ULK4: variants seen among roughly 807,000 people sequenced by gnomAD.
The protein encoded by ULK4 is unc-51 like kinase 4.
Under a neutral mutation model 160.6 loss-of-function variants are expected in ULK4, and 133 were observed. The observed-to-expected ratio is 0.83, with a 90% confidence interval of 0.72 to 0.96. ULK4 has a LOEUF of 0.96. Among genes scored for constraint, ULK4 ranks in the 40% least tolerant of loss-of-function variants. The pLI, the probability that ULK4 is intolerant of heterozygous loss-of-function variation, is 0.00. For missense variants in ULK4, 1,580 were observed against 1,499.5 expected, an observed-to-expected ratio of 1.05 and a Z score of -0.89; for synonymous variants, 534 against 539.8, an observed-to-expected ratio of 0.99 and a Z score of 0.15.
intron 34 of ULK4, among the ~76,000 whole-genome samples, chr3:41,431,808 G>C (rs201977334): frequency 1.8e-5 from 1 of 55,786 alleles, no homozygotes; most frequent in Admixed American, 1.8e-4. Flanking sequence ...TTTTTTTTTT[G>C]AGACAGAGTC....
intron 35 of ULK4, among the ~76,000 whole-genome samples, chr3:41,268,053 G>A (rs2079074211): frequency 6.6e-6 from 1 of 152,200 alleles, no homozygotes; most frequent in African/African-American, 2.4e-5. Flanking sequence ...GCAATGTCTG[G>A]AAACACTTTT....
intron 35 of ULK4, among the ~76,000 whole-genome samples, chr3:41,328,166 C>G (rs2080372347): frequency 6.6e-6 from 1 of 152,158 alleles, no homozygotes; most frequent in Non-Finnish European, 1.5e-5. Context: ...GACAAAAAAC[C>G]TACTCCTGTC....
At chr3:41,923,600 T>C (rs1189870291) in intron 5 of ULK4, among the ~76,000 whole-genome samples, 1 of 152,194 alleles carries the variant, frequency 6.6e-6, no homozygotes, top group Non-Finnish European at 1.5e-5. Flanking sequence ...ATTAGCTGGG[T>C]GCAGTCATGA....
chr3:41,741,604 T>C (rs1178408182), intron 22 of ULK4, among the ~76,000 whole-genome samples: 4 of 151,968 alleles, frequency 2.6e-5, no homozygotes, highest in Non-Finnish European at 5.9e-5. Flanking sequence ...TGCATGCCTG[T>C]TAAAATCAAA....
At chr3:41,706,065 A>G (rs1429578579) in intron 25 of ULK4, among the ~76,000 whole-genome samples, 1 of 151,744 alleles carries the variant, frequency 6.6e-6, no homozygotes, top group Non-Finnish European at 1.5e-5. Context: ...CCTCCTAGAT[A>G]CCTCTTATTC....
chr3:41,564,469 T>C (rs1209742892), intron 32 of ULK4, among the ~76,000 whole-genome samples: 3 of 140,210 alleles, frequency 2.1e-5, no homozygotes, highest in Non-Finnish European at 4.6e-5. Context: ...TTTTTTTTTT[T>C]TTTTTTGAGA....
chr3:41,541,716 T>TAC (rs2086702771), intron 32 of ULK4, among the ~76,000 whole-genome samples: 1 of 152,162 alleles, frequency 6.6e-6, no homozygotes, highest in Non-Finnish European at 1.5e-5. Context: ...AGCAGTGGTT[T>TAC]GTAGTTCTCC....
chr3:41,822,722 A>ATTTTTTTTTT (rs1199516780), intron 18 of ULK4, among the ~76,000 whole-genome samples: 4 of 109,464 alleles, frequency 3.7e-5, no homozygotes, highest in South Asian at 2.8e-4. Flanking sequence ...CCGGGCTGAG[A>ATTTTTTTTTT]TTTTTTTTTT....
intron 19 of ULK4, among the ~76,000 whole-genome samples, chr3:41,808,810 A>C (rs2040730878): frequency 6.6e-6 from 1 of 152,186 alleles, no homozygotes; most frequent in East Asian, 1.9e-4. Context: ...CGTCAGGGCA[A>C]ACACCAGTTT....
chr3:41,678,575 A>C (rs1362805555), intron 29 of ULK4, among the ~76,000 whole-genome samples: 1 of 152,200 alleles, frequency 6.6e-6, no homozygotes, highest in Non-Finnish European at 1.5e-5. Flanking sequence ...CAAGCCCCTA[A>C]ATCCAGCTGT....
chr3:41,951,148 A>AAG, intron 2 of ULK4, among the ~76,000 whole-genome samples: 1 of 147,802 alleles, frequency 6.8e-6, no homozygotes, highest in African/African-American at 2.5e-5. Flanking sequence ...TCGTCTCAAA[A>AAG]AAAAAAAAAA....
At chr3:41,462,807 AG>A (rs1243793854) in intron 33 of ULK4, among the ~76,000 whole-genome samples, 1 of 152,164 alleles carries the variant, frequency 6.6e-6, no homozygotes, top group African/African-American at 2.4e-5. Flanking sequence ...GATGTGCCTA[AG>A]GCAAATGCTC....
chr3:41,660,470 C>T (rs578135806), intron 30 of ULK4, among the ~76,000 whole-genome samples: 1 of 152,152 alleles, frequency 6.6e-6, no homozygotes, highest in East Asian at 1.9e-4. Flanking sequence ...TCTTTTTTCT[C>T]CCACTAAAAA....
chr3:41,451,130 C>T (rs372997918), intron 34 of ULK4, among the ~76,000 whole-genome samples: 1 of 151,964 alleles, frequency 6.6e-6, no homozygotes, highest in Admixed American at 6.6e-5. Flanking sequence ...AGGAGAAAGG[C>T]GGGAAAACCT....
chr3:41,835,931 C>T lies in ULK4; in HGVS notation c.1697G>A (p.Arg566Lys). 6.2e-7 allele frequency: 1 copy of T among 1,611,304 alleles called. No homozygotes were observed. Among genetic ancestry groups the T allele is most frequent in the Non-Finnish European group, 8.5e-7 (1 of 1,179,396 alleles). ...LLTELIRENF[R>K]NSKLKQCLLP... ...AAGGCACTGTTTTAATTTGCTGTTC[C>T]TGAAGTTTTCCCTAATTAATTCAGT... Residue 566 changes from arginine to lysine, a missense_variant, in exon 18 of 37, where the codon AGG (arginine) becomes AAG (lysine). Physicochemically the swap from Arg to Lys is conservative, Grantham distance 26. Coordinates refer to ENST00000301831, the MANE Select transcript of ULK4 (RefSeq NM_017886.4).
intron 34 of ULK4, among the ~76,000 whole-genome samples, chr3:41,428,500 C>G (rs185447077): frequency 6.6e-6 from 1 of 152,128 alleles, no homozygotes; most frequent in African/African-American, 2.4e-5. Context: ...GGAGGCATCA[C>G]GCTACCTGAC....
chr3:41,704,109 G>GCTAAA (rs2036781557), intron 27 of ULK4, among the ~76,000 whole-genome samples: 1 of 151,960 alleles, frequency 6.6e-6, no homozygotes, highest in Non-Finnish European at 1.5e-5. Flanking sequence ...TTGCCTTTAG[G>GCTAAA]GTTAGTTGTT....
chr3:41,551,650 G>T (rs1452397489), intron 32 of ULK4, among the ~76,000 whole-genome samples: 1 of 151,876 alleles, frequency 6.6e-6, no homozygotes, highest in African/African-American at 2.4e-5. Flanking sequence ...GCAAAGAAAA[G>T]TCCAGGACCA....
chr3:41,859,350 T>G (rs2042443623), intron 17 of ULK4: 1 of 591,794 alleles, frequency 1.7e-6, no homozygotes, highest in Admixed American at 1.9e-5. Flanking sequence ...ATCTTCCTCC[T>G]CAAGGCCAAT....
Sources: gnomAD v4.1 joint callset for allele counts (sites outside exome capture counted in the v4.1 genomes callset) on GRCh38, gnomAD v4.1.1 for gene constraint, MANE v1.5 for transcripts, NCBI Gene and HGNC (gene_info 2026-07-23, HGNC 2026-07-21) for gene names.